The following IGFL2 variants were observed in gnomAD, a reference collection of about 807,000 sequenced individuals.
The protein encoded by IGFL2 is insulin growth factor-like family member 2.
Under a neutral mutation model 13.9 loss-of-function variants are expected in IGFL2, and 7 were observed. That is an observed-to-expected ratio of 0.51 (90% CI 0.29 to 0.95). The LOEUF (loss-of-function observed/expected upper bound fraction) is 0.95. IGFL2 is among the 40% of genes least tolerant of loss of function. The pLI, the probability that IGFL2 is intolerant of heterozygous loss-of-function variation, is 0.08. For synonymous variants in IGFL2, 55 were observed against 55.8 expected (o/e 0.99, Z 0.07); for missense variants, 138 against 147.8 (o/e 0.93, Z 0.34).
At chr19:46,204,790 T>G in the IGFL2 span, 1 of 152,294 alleles carries the variant, frequency 6.6e-6, no homozygotes, top group Non-Finnish European at 1.5e-5. Context: ...TGTTTTTTGT[T>G]TGTTTTTGAG....
chr19:46,196,437 C>T, the IGFL2 span, among the ~76,000 whole-genome samples: 1 of 152,292 alleles, frequency 6.6e-6, no homozygotes, highest in East Asian at 1.9e-4. Flanking sequence ...GCCCCATCCA[C>T]AGCTGTTTCA....
At chr19:46,116,258 TGTGAGCTTACAGA>T in the IGFL2 span, among the ~76,000 whole-genome samples, 1 of 152,182 alleles carries the variant, frequency 6.6e-6, no homozygotes, top group Non-Finnish European at 1.5e-5. Flanking sequence ...TCTCTGTGAG[TGTGAGCTTACAGA>T]AAAGAGCTCT....
the IGFL2 span, chr19:46,214,570 G>A: frequency 6.6e-6 from 1 of 152,234 alleles, no homozygotes; most frequent in Non-Finnish European, 1.5e-5. Context: ...CCTCACAGCA[G>A]CGCTGCATGG....
upstream of IGFL2, among the ~76,000 whole-genome samples, chr19:46,139,902 T>C (rs1344577588): frequency 6.6e-6 from 1 of 151,998 alleles, no homozygotes; most frequent in Non-Finnish European, 1.5e-5. Context: ...TGTATATATG[T>C]ATATATAGTA....
downstream of IGFL2, among the ~76,000 whole-genome samples, chr19:46,163,359 T>A (rs540169653): frequency 1.3e-5 from 2 of 152,274 alleles, no homozygotes; most frequent in Non-Finnish European, 2.9e-5. Context: ...GTTGTTTGCT[T>A]GTCTCCTGGG....
upstream of IGFL2, among the ~76,000 whole-genome samples, chr19:46,146,106 C>T (rs920460632): frequency 1.3e-5 from 2 of 151,552 alleles, no homozygotes; most frequent in African/African-American, 4.8e-5. Context: ...ATATCTAGAC[C>T]ATTTGGAGTT....
At chr19:46,186,422 C>T in the IGFL2 span, among the ~76,000 whole-genome samples, 1 of 152,150 alleles carries the variant, frequency 6.6e-6, no homozygotes. Context: ...ACCCTGGCAG[C>T]GGTGGCAGGC....
the IGFL2 span, among the ~76,000 whole-genome samples, chr19:46,100,053 G>A: frequency 6.6e-6 from 1 of 152,014 alleles, no homozygotes; most frequent in East Asian, 1.9e-4. Flanking sequence ...TGGCTTCTTT[G>A]CATTGGGTTA....
the IGFL2 span, among the ~76,000 whole-genome samples, chr19:46,196,590 C>T: frequency 6.6e-6 from 1 of 152,222 alleles, no homozygotes; most frequent in Non-Finnish European, 1.5e-5. Flanking sequence ...AGCTGAGCCT[C>T]CAGCTCTGAA....
chr19:46,164,368 C>T (rs564304249), downstream of IGFL2, among the ~76,000 whole-genome samples: 2 of 152,322 alleles, frequency 1.3e-5, no homozygotes, highest in East Asian at 1.9e-4. Context: ...ACCTCTTCTG[C>T]CCCCAGTCAG....
chr19:46,161,308 C>T (rs981425928), downstream of IGFL2: 26 of 347,534 alleles, frequency 7.5e-5, 1 homozygote, highest in Non-Finnish European at 1.3e-4. Context: ...TACCCAATGT[C>T]GTCTCCTTTC....
At chr19:46,148,165 A>C, upstream of IGFL2, 1 of 865,742 alleles carries the variant, frequency 1.2e-6, no homozygotes, top group South Asian at 1.7e-5. Context: ...CCAAGAGGCC[A>C]GTGCTTCTGG....
chr19:46,170,828 A>G, the IGFL2 span, among the ~76,000 whole-genome samples: 117 of 152,292 alleles, frequency 7.7e-4, 1 homozygote, highest in Middle Eastern at 0.017. Context: ...TAGTCAGACC[A>G]GTTCTCTGCT....
At chr19:46,103,406 T>TA in the IGFL2 span, among the ~76,000 whole-genome samples, 5 of 150,668 alleles carry the variant, frequency 3.3e-5, no homozygotes, top group Admixed American at 3.3e-4. Context: ...TGGGGAGAGG[T>TA]AGAGGGTGGC....
chr19:46,079,384 A>G, the IGFL2 span, among the ~76,000 whole-genome samples: 2 of 152,234 alleles, frequency 1.3e-5, no homozygotes, highest in Admixed American at 1.3e-4. Context: ...TTCCCCGCCT[A>G]GAAAATGGAG....
chr19:46,146,488 A>C (rs556256500), upstream of IGFL2, among the ~76,000 whole-genome samples: 3 of 152,138 alleles, frequency 2.0e-5, no homozygotes, highest in South Asian at 6.2e-4. Context: ...TTTCTCTCTC[A>C]GACAAATCCT....
At chr19:46,192,174 C>T in the IGFL2 span, among the ~76,000 whole-genome samples, 1 of 152,204 alleles carries the variant, frequency 6.6e-6, no homozygotes. Context: ...TGCAGGTGCC[C>T]TGTGGCTAGC....
At chr19:46,198,827 C>T in the IGFL2 span, among the ~76,000 whole-genome samples, 2 of 152,180 alleles carry the variant, frequency 1.3e-5, no homozygotes, top group Admixed American at 1.3e-4. Flanking sequence ...TACACACATG[C>T]AATGCCACCC....
At position 46,154,694 on chromosome 19, in the gene IGFL2, C is replaced by G. The variant is rs143143497; in HGVS notation, c.20-5721C>G. On this transcript the variant is annotated intron_variant, in intron 1 of 3. Coordinates refer to ENST00000377693, the MANE Select transcript of IGFL2 (RefSeq NM_001135113.2). Reference sequence around the variant, plus strand: ...TGGATCTCCTGACCTCGTCATCTGCCCGCCTCAGCCTCCCAAAGTGCTGGG... The same window carrying G: ...TGGATCTCCTGACCTCGTCATCTGCGCGCCTCAGCCTCCCAAAGTGCTGGG... 4.9e-3 allele frequency among the ~76,000 whole-genome samples: 752 copies of G among 152,226 alleles called. 4 individuals are homozygous for G. Among genetic ancestry groups the G allele is most frequent in the African/African-American group, 0.017 (715 of 41,538 alleles).
Sources: gnomAD v4.1 joint callset for allele counts (sites outside exome capture counted in the v4.1 genomes callset) on GRCh38, gnomAD v4.1.1 for gene constraint, MANE v1.5 for transcripts, NCBI Gene and HGNC (gene_info 2026-07-23, HGNC 2026-07-21) for gene names.